The following SHANK2 variants were observed in gnomAD, a reference collection of about 807,000 sequenced individuals.
SHANK2 encodes SH3 and multiple ankyrin repeat domains 2, also known as SH3 and multiple ankyrin repeat domains protein 2.
Under a neutral mutation model 133.7 loss-of-function variants are expected in SHANK2, and 43 were observed. The ratio of observed to expected loss-of-function variants is 0.32; its 90% CI spans 0.25 to 0.41. SHANK2 has a LOEUF of 0.41. Ranked by LOEUF, SHANK2 falls within the 10% of genes least tolerant of loss-of-function variation. The pLI is 1.00. For missense variants in SHANK2, 1,994 were observed against 2,235.8 expected, an observed-to-expected ratio of 0.89 and a Z score of 2.18; for synonymous variants, 1,017 against 952.8, an observed-to-expected ratio of 1.07 and a Z score of -1.24.
At chr11:70,542,564 T>C (rs988285404) in intron 17 of SHANK2, among the ~76,000 whole-genome samples, 7 of 152,184 alleles carry the variant, frequency 4.6e-5, no homozygotes, top group African/African-American at 1.2e-4. Flanking sequence ...GCCCTGCTTA[T>C]GGGACACGGC....
At chr11:70,790,013 G>A (rs1370617743) in intron 14 of SHANK2, among the ~76,000 whole-genome samples, 4 of 152,238 alleles carry the variant, frequency 2.6e-5, no homozygotes, top group Admixed American at 6.5e-5. Flanking sequence ...AAGATGTGTC[G>A]CTGAAAACTG....
intron 14 of SHANK2, among the ~76,000 whole-genome samples, chr11:70,727,249 C>T (rs538160058): frequency 2.0e-5 from 3 of 152,182 alleles, no homozygotes; most frequent in South Asian, 2.1e-4. Flanking sequence ...AAATGCATTG[C>T]GAATTTTAAA....
At chr11:70,889,350 G>C (rs1949802345) in intron 11 of SHANK2, among the ~76,000 whole-genome samples, 1 of 152,182 alleles carries the variant, frequency 6.6e-6, no homozygotes, top group African/African-American at 2.4e-5. Flanking sequence ...AACCAGCCCT[G>C]CCAACACCTT....
intron 13 of SHANK2, among the ~76,000 whole-genome samples, chr11:70,799,847 A>C (rs1555050116): frequency 6.6e-6 from 1 of 152,180 alleles, no homozygotes; most frequent in Non-Finnish European, 1.5e-5. Context: ...AGAATAAAGC[A>C]TGTTTGTTTT....
rs1554991830 is a variant in SHANK2, at chr11:70,604,676, C to T, written c.2061+55152G>A. 2.0e-5 allele frequency: 3 copies of T among 152,406 alleles called. No individual in the cohort carries two copies. In the East Asian group the frequency reaches 5.8e-4, roughly 29 times the overall value. The allele number at this position is 152,406 out of a possible 1,614,324, so 9.4% of individuals were successfully genotyped here. Reference sequence around the variant, plus strand: ...TTGATATACTACACATGTATACATACAACATGCATTCTACATACAGCATAG... The same window carrying T: ...TTGATATACTACACATGTATACATATAACATGCATTCTACATACAGCATAG... On this transcript the variant is annotated intron_variant, in intron 17 of 25. Transcript: ENST00000601538.
intron 17 of SHANK2, among the ~76,000 whole-genome samples, chr11:70,644,921 A>G (rs2061239889): frequency 6.6e-6 from 1 of 152,212 alleles, no homozygotes; most frequent in Non-Finnish European, 1.5e-5. Context: ...CAGGAAATTC[A>G]TCAAAAGATC....
chr11:70,698,577 G>A (rs765997311), intron 15 of SHANK2, 111 bp downstream of exon 15: 9 of 705,748 alleles, frequency 1.3e-5, no homozygotes, highest in Non-Finnish European at 2.4e-5. Context: ...CAGGCACAGG[G>A]AGGCAGACAC....
chr11:71,250,552 A>G (rs186524473), intron 1 of SHANK2, among the ~76,000 whole-genome samples: 33 of 152,244 alleles, frequency 2.2e-4, no homozygotes, highest in African/African-American at 7.7e-4. Context: ...ATGGGGGCCG[A>G]GCTCGCTCTC....
chr11:70,630,443 T>G (rs1211830635), intron 17 of SHANK2, among the ~76,000 whole-genome samples: 1 of 152,170 alleles, frequency 6.6e-6, no homozygotes, highest in Non-Finnish European at 1.5e-5. Flanking sequence ...TGTGTGTGAT[T>G]TCAAGCAAAG....
intron 21 of SHANK2, among the ~76,000 whole-genome samples, chr11:70,492,902 T>G (rs370817007): frequency 6.1e-5 from 9 of 148,448 alleles, no homozygotes; most frequent in African/African-American, 2.2e-4. Flanking sequence ...TTTAAGCAAT[T>G]CTCTTGCGTC....
chr11:71,085,852 ATTGTT>A (rs1951392423), intron 8 of SHANK2, among the ~76,000 whole-genome samples: 1 of 1,886 alleles, frequency 5.3e-4, no homozygotes, highest in Non-Finnish European at 7.2e-4. Context: ...AATAATATAT[ATTGTT>A]ATTTTAATAT....
intron 15 of SHANK2, among the ~76,000 whole-genome samples, chr11:70,672,821 G>C (rs1400271945): frequency 1.3e-5 from 2 of 152,222 alleles, no homozygotes; most frequent in African/African-American, 4.8e-5. Flanking sequence ...GATGGTGCCA[G>C]CCACCGGTGT....
chr11:70,857,281 G>C (rs534359603), intron 11 of SHANK2, among the ~76,000 whole-genome samples: 3 of 152,106 alleles, frequency 2.0e-5, no homozygotes, highest in South Asian at 2.1e-4. Context: ...CACCCACAAA[G>C]GGTTGTTTTA....
At chr11:70,812,227 C>A (rs1329202841) in intron 12 of SHANK2, among the ~76,000 whole-genome samples, 2 of 152,202 alleles carry the variant, frequency 1.3e-5, no homozygotes, top group African/African-American at 4.8e-5. Context: ...GAATCAGTTC[C>A]CTAACCCATC....
At chr11:70,892,931 A>G (rs1555074986) in intron 11 of SHANK2, among the ~76,000 whole-genome samples, 1 of 152,102 alleles carries the variant, frequency 6.6e-6, no homozygotes, top group African/African-American at 2.4e-5. Context: ...ACACATGTGT[A>G]CAGCTGGTGC....
chr11:71,070,222 A>G (rs1951125431), intron 9 of SHANK2, among the ~76,000 whole-genome samples: 1 of 152,180 alleles, frequency 6.6e-6, no homozygotes, highest in African/African-American at 2.4e-5. Flanking sequence ...GACACTCCAA[A>G]GAGTTTGGGG....
At chr11:71,197,454 T>C (rs1177002098) in intron 2 of SHANK2, among the ~76,000 whole-genome samples, 1 of 152,234 alleles carries the variant, frequency 6.6e-6, no homozygotes, top group Non-Finnish European at 1.5e-5. Context: ...TTCTTTCATC[T>C]AGGGTTAGGC....
rs138841107 is a variant in SHANK2, at chr11:70,513,217, A to G, written c.2062-10286T>C. ...CAAACCTGCAGTTCTGATAGAAATC[A>G]GAGGATACAGCCCACAGTGGCCATA... On this transcript the variant is annotated intron_variant, in intron 17 of 25. Coordinates refer to ENST00000601538, the MANE Select transcript of SHANK2 (RefSeq NM_012309.5). 1.7e-4 allele frequency among the ~76,000 whole-genome samples: 26 copies of G among 152,166 alleles called. 2 individuals are homozygous for G. The East Asian group carries it at 4.8e-3, about 28-fold the overall frequency.
chr11:70,612,181 C>T (rs2060667814), intron 17 of SHANK2, among the ~76,000 whole-genome samples: 1 of 152,104 alleles, frequency 6.6e-6, no homozygotes, highest in South Asian at 2.1e-4. Context: ...TGTGTGTTCT[C>T]ACAGAGAGGA....
Sources: allele counts gnomAD v4.1 joint callset (sites outside exome capture counted in the v4.1 genomes callset), GRCh38; gene constraint gnomAD v4.1.1; transcripts MANE v1.5; gene names NCBI Gene and HGNC (gene_info 2026-07-23, HGNC 2026-07-21).